Variants in NRXN3 observed in about 807,000 individuals in gnomAD.
NRXN3 encodes neurexin III.
A neutral mutation model predicts 137.6 loss-of-function variants in NRXN3; 32 were observed. The ratio of observed to expected loss-of-function variants is 0.23; its 90% CI spans 0.18 to 0.31. The LOEUF is 0.31. Ranked by LOEUF, NRXN3 falls within the 10% of genes least tolerant of loss-of-function variation. The pLI, the probability that NRXN3 is intolerant of heterozygous loss-of-function variation, is 1.00. For synonymous variants in NRXN3, 798 were observed against 784.5 expected (o/e 1.02, Z -0.29); for missense variants, 1,574 against 2,062.5 (o/e 0.76, Z 4.59).
At chr14:79,701,002 T>C (rs1444240854) in intron 19 of NRXN3, among the ~76,000 whole-genome samples, 1 of 152,056 alleles carries the variant, frequency 6.6e-6, no homozygotes, top group Non-Finnish European at 1.5e-5. Flanking sequence ...GCTCAGTAAA[T>C]ATTTACTGAA....
chr14:78,765,396 G>A (rs546137997), intron 8 of NRXN3, among the ~76,000 whole-genome samples: 3 of 152,012 alleles, frequency 2.0e-5, no homozygotes, highest in Admixed American at 6.5e-5. Context: ...CAGGTGATCC[G>A]CCTGCCTCGG....
chr14:78,774,859 G>A (rs2098739993), intron 8 of NRXN3, among the ~76,000 whole-genome samples: 1 of 152,060 alleles, frequency 6.6e-6, no homozygotes, highest in Admixed American at 6.6e-5. Flanking sequence ...AGGGTTTGAG[G>A]CTACAGGGAG....
intron 4 of NRXN3, among the ~76,000 whole-genome samples, chr14:78,334,868 G>C (rs1355810476): frequency 2.0e-5 from 3 of 152,086 alleles, no homozygotes; most frequent in African/African-American, 7.2e-5. Flanking sequence ...AACACTTATT[G>C]AAACACCTAC....
chr14:78,541,580 C>T (rs944961613), intron 4 of NRXN3, among the ~76,000 whole-genome samples: 3 of 151,920 alleles, frequency 2.0e-5, no homozygotes, highest in Non-Finnish European at 4.4e-5. Flanking sequence ...AGCTTGGAGA[C>T]GTTTGTTATT....
At chr14:78,730,738 CAAAA>C (rs1001473595) in intron 8 of NRXN3, among the ~76,000 whole-genome samples, 4 of 152,164 alleles carry the variant, frequency 2.6e-5, no homozygotes, top group Non-Finnish European at 1.5e-5. Flanking sequence ...CTTAGCAAGA[CAAAA>C]CAATGACTAT....
chr14:79,264,036 C>T (rs1305425525), intron 15 of NRXN3, among the ~76,000 whole-genome samples: 1 of 152,196 alleles, frequency 6.6e-6, no homozygotes, highest in East Asian at 1.9e-4. Flanking sequence ...GCCATCTTTA[C>T]AAAATACTAC....
At chr14:78,295,920 C>T (rs1396700239) in intron 3 of NRXN3, among the ~76,000 whole-genome samples, 1 of 152,146 alleles carries the variant, frequency 6.6e-6, no homozygotes, top group Admixed American at 6.5e-5. Flanking sequence ...CGCTTTCCTA[C>T]TCACTTCTTC....
chr14:78,781,183 T>C (rs1261529286), intron 8 of NRXN3, among the ~76,000 whole-genome samples: 1 of 152,178 alleles, frequency 6.6e-6, no homozygotes, highest in Non-Finnish European at 1.5e-5. Flanking sequence ...ACTGATACTA[T>C]TTAGATAAAG....
chr14:79,397,463 C>A (rs1404824018), intron 15 of NRXN3, among the ~76,000 whole-genome samples: 1 of 152,178 alleles, frequency 6.6e-6, no homozygotes, highest in Non-Finnish European at 1.5e-5. Context: ...CTCCATGAGA[C>A]CTGCACATTT....
intron 15 of NRXN3, among the ~76,000 whole-genome samples, chr14:79,304,180 G>A (rs1313139947): frequency 2.0e-5 from 3 of 152,024 alleles, no homozygotes; most frequent in African/African-American, 7.2e-5. Flanking sequence ...TAGAGAGTAG[G>A]TGTGTGTCTC....
chr14:79,272,847 T>C (rs892876100), intron 15 of NRXN3, among the ~76,000 whole-genome samples: 7 of 152,132 alleles, frequency 4.6e-5, no homozygotes, highest in Non-Finnish European at 8.8e-5. Flanking sequence ...TTGGGTAACA[T>C]GTGGGACAGA....
chr14:79,632,901 A>G (rs2098370003), intron 16 of NRXN3, among the ~76,000 whole-genome samples: 1 of 152,176 alleles, frequency 6.6e-6, no homozygotes, highest in African/African-American at 2.4e-5. Flanking sequence ...CTTTTATAGC[A>G]CTAACATTGT....
chr14:78,715,176 G>T, intron 8 of NRXN3, 37 bp downstream of exon 8: 6 of 1,586,090 alleles, frequency 3.8e-6, no homozygotes, highest in Non-Finnish European at 5.1e-6. Flanking sequence ...GAGGGCCTGA[G>T]TGGGGCTGAT....
chr14:78,240,940 C>T (rs989643505), intron 1 of NRXN3, among the ~76,000 whole-genome samples: 8 of 152,074 alleles, frequency 5.3e-5, no homozygotes, highest in African/African-American at 1.9e-4. Flanking sequence ...ATCAAATGTG[C>T]CAGGTAATAA....
Position 78,432,032 on chromosome 14 carries a change from A to G in NRXN3, c.757+134172A>G, listed in dbSNP as rs1466912290. ...TGGTGCCATTATGGGGGAGGAAAAG[A>G]TGATGGATTCATTTTGGACATGTTG... is the stretch of plus-strand genomic sequence containing the variant. On this transcript the variant is annotated intron_variant, in intron 4 of 20. Transcript: ENST00000335750. 2.0e-5 allele frequency among the ~76,000 whole-genome samples: 3 copies of G among 152,176 alleles called. No individual in the cohort carries two copies. The East Asian group carries it at 5.8e-4, about 29-fold the overall frequency.
chr14:78,606,437 C>T (rs1320525505), intron 4 of NRXN3, among the ~76,000 whole-genome samples: 1 of 152,206 alleles, frequency 6.6e-6, no homozygotes, highest in African/African-American at 2.4e-5. Flanking sequence ...ACTAACTCAG[C>T]TCTTTAATCA....
At chr14:79,414,823 A>G (rs1216610158) in intron 15 of NRXN3, among the ~76,000 whole-genome samples, 3 of 152,202 alleles carry the variant, frequency 2.0e-5, no homozygotes, top group South Asian at 4.1e-4. Flanking sequence ...TATTCATCTT[A>G]TAACCTAAGT....
At chr14:79,059,772 A>C (rs2099671880) in intron 15 of NRXN3, among the ~76,000 whole-genome samples, 1 of 152,214 alleles carries the variant, frequency 6.6e-6, no homozygotes, top group Non-Finnish European at 1.5e-5. Flanking sequence ...TGGTAGATGA[A>C]TATGAGGAAG....
chr14:78,939,547 C>T (rs1490676291), intron 10 of NRXN3, among the ~76,000 whole-genome samples: 6 of 152,204 alleles, frequency 3.9e-5, no homozygotes, highest in Non-Finnish European at 7.3e-5. Context: ...TCCTGTTACA[C>T]CATTGCCCTC....
Sources: allele counts gnomAD v4.1 joint callset (sites outside exome capture counted in the v4.1 genomes callset), GRCh38; gene constraint gnomAD v4.1.1; transcripts MANE v1.5; gene names NCBI Gene and HGNC (gene_info 2026-07-23, HGNC 2026-07-21).